Variants in NEDD4L observed in about 807,000 individuals in gnomAD.
NEDD4L encodes the protein E3 ubiquitin-protein ligase NEDD4-like.
In NEDD4L, 54 loss-of-function variants were observed where a neutral mutation model predicts 148.9. The observed-to-expected ratio is 0.36, with a 90% CI of 0.29 to 0.45. The LOEUF is 0.45. Among genes scored for constraint, NEDD4L ranks in the 20% least tolerant of loss-of-function variants. The pLI is 1.00. For synonymous variants in NEDD4L, 433 were observed against 440.7 expected, an observed-to-expected ratio of 0.98 and a Z score of 0.22; for missense variants, 856 against 1,233.8, an observed-to-expected ratio of 0.69 and a Z score of 4.59.
intron 1 of NEDD4L, among the ~76,000 whole-genome samples, chr18:58,085,446 G>A (rs375748359): frequency 3.3e-5 from 5 of 152,246 alleles, no homozygotes; most frequent in East Asian, 1.9e-4. Flanking sequence ...TCATCTCTGC[G>A]CCCTGGAGGA....
chr18:58,306,812 T>G (rs550136062), intron 5 of NEDD4L, among the ~76,000 whole-genome samples: 5 of 152,160 alleles, frequency 3.3e-5, no homozygotes, highest in African/African-American at 1.2e-4. Flanking sequence ...TTTTAGTACT[T>G]TAGTACAGAC....
chr18:58,389,208 A>C lies in NEDD4L; in HGVS notation c.2655+16A>C. 6.3e-7 allele frequency: 1 copy of C among 1,586,118 alleles called. No homozygotes were observed. The highest frequency in any genetic ancestry group is 8.7e-7 in the Non-Finnish European group (1 of 1,155,824). The stretch of plus-strand genomic sequence containing the variant: ...GTTCTGGAAGGTAACTCCGGGGCCC[A>C]GCCCCAGCCGGTGTCCTCCACCTGA... On this transcript the variant is annotated intron_variant, in intron 28 of 30. Coordinates refer to ENST00000400345, the MANE Select transcript of NEDD4L (RefSeq NM_001144967.3).
chr18:58,210,285 A>C (rs945995371), intron 2 of NEDD4L, among the ~76,000 whole-genome samples: 1 of 152,254 alleles, frequency 6.6e-6, no homozygotes, highest in Non-Finnish European at 1.5e-5. Flanking sequence ...ACACATTTGA[A>C]AATATAGGGC....
intron 2 of NEDD4L, among the ~76,000 whole-genome samples, chr18:58,200,378 A>G (rs1035301022): frequency 6.8e-5 from 9 of 132,138 alleles, no homozygotes; most frequent in African/African-American, 3.2e-4. Context: ...CTAGCTGGAC[A>G]ATGGGACTTG....
At chr18:58,306,658 T>A (rs1600981467) in intron 5 of NEDD4L, among the ~76,000 whole-genome samples, 1 of 151,876 alleles carries the variant, frequency 6.6e-6, no homozygotes, top group African/African-American at 2.4e-5. Context: ...GGAATTTTGC[T>A]CTTGTCACCC....
At chr18:58,278,018 C>G (rs1263531215) in intron 5 of NEDD4L, among the ~76,000 whole-genome samples, 1 of 152,002 alleles carries the variant, frequency 6.6e-6, no homozygotes, top group Non-Finnish European at 1.5e-5. Flanking sequence ...TTAAAAACTC[C>G]TCAGAAATAT....
chr18:58,156,748 T>G (rs188945623), intron 1 of NEDD4L, among the ~76,000 whole-genome samples: 3 of 152,224 alleles, frequency 2.0e-5, no homozygotes, highest in African/African-American at 7.2e-5. Context: ...ATACGACTCA[T>G]CTGCTCTCCT....
At chr18:58,081,259 G>A (rs1355530441) in intron 1 of NEDD4L, among the ~76,000 whole-genome samples, 3 of 130,858 alleles carry the variant, frequency 2.3e-5, no homozygotes, top group Non-Finnish European at 1.5e-5. Context: ...TCTGTCGTCT[G>A]GGCTGGAGTG....
At chr18:58,232,335 A>T (rs936511697) in intron 2 of NEDD4L, among the ~76,000 whole-genome samples, 3 of 152,240 alleles carry the variant, frequency 2.0e-5, no homozygotes, top group Non-Finnish European at 4.4e-5. Context: ...CCAGGCTGAG[A>T]TCCCTGAGAT....
intron 28 of NEDD4L, 26 bp downstream of exon 28, chr18:58,389,218 G>A (rs370582064): frequency 1.2e-5 from 18 of 1,544,540 alleles, no homozygotes; most frequent in African/African-American, 1.4e-5. Context: ...AGCCCCAGCC[G>A]GTGTCCTCCA....
intron 1 of NEDD4L, among the ~76,000 whole-genome samples, chr18:58,160,431 A>G (rs745941519): frequency 1.1e-4 from 16 of 152,256 alleles, no homozygotes; most frequent in Non-Finnish European, 1.6e-4. Flanking sequence ...CACAATAACA[A>G]TGCAGAACAA....
At position 58,325,017 on chromosome 18, in the gene NEDD4L, T is replaced by A. The variant is rs185533207; in HGVS notation, c.535T>A (p.Ser179Thr). ...DMEHGWEVVDSNDSASQHQEE... is the reference protein window; with the variant it reads ...DMEHGWEVVDTNDSASQHQEE... ...GCAGCATGGATGGGAAGTTGTTGAC[T>A]CAAATGACTCGGCTTCTCAGCACCA... is the stretch of plus-strand genomic sequence containing the variant. The change falls in exon 9 of 31, where the codon TCA becomes ACA. Residue 179 changes from serine (S) to threonine (T), a missense_variant. Ser to Thr is a moderately conservative substitution (Grantham distance 58, BLOSUM62 1). Around this residue, in one of 4 missense-constraint regions of NEDD4L, gnomAD observed 193 missense variants for 244.2 expected, o/e 0.79. Coordinates refer to ENST00000400345, the MANE Select transcript of NEDD4L (RefSeq NM_001144967.3). The A allele has an allele frequency of 4.7e-4, 764 of 1,613,908 alleles. No homozygotes were observed. Among genetic ancestry groups the A allele is most frequent in the Non-Finnish European group, 5.6e-4 (661 of 1,179,808 alleles).
At chr18:58,387,632 C>T in intron 27 of NEDD4L, 134 bp downstream of exon 27, 3 of 1,031,108 alleles carry the variant, frequency 2.9e-6, no homozygotes, top group Non-Finnish European at 4.0e-6. Context: ...TATTACATGT[C>T]TCTTATAGGG....
chr18:58,275,721 C>T (rs941601505), intron 5 of NEDD4L, among the ~76,000 whole-genome samples: 22 of 152,196 alleles, frequency 1.4e-4, no homozygotes, highest in African/African-American at 5.3e-4. Flanking sequence ...GCACCCTTAG[C>T]ACCCCTCACC....
At chr18:58,302,423 A>T (rs555007120) in intron 5 of NEDD4L, among the ~76,000 whole-genome samples, 1 of 152,136 alleles carries the variant, frequency 6.6e-6, no homozygotes, top group African/African-American at 2.4e-5. Flanking sequence ...AAGCTCGTTC[A>T]TATACTTTGT....
rs555593512 is a variant in NEDD4L at position 58,240,999 on chromosome 18, G to A, written c.123-4428G>A. Among the ~76,000 whole-genome samples, 5 of 152,112 alleles carry A rather than the reference G, an allele frequency of 3.3e-5. No individual in the cohort carries two copies. In the South Asian group the frequency reaches 6.2e-4, roughly 19 times the overall value. On this transcript the variant is annotated intron_variant, in intron 2 of 30. Transcript: ENST00000400345. ...TAATTTTTGTATTTTTAGTAGAGAC[G>A]AGATTTTACCATGTTGTCCAGGCTG...
intron 1 of NEDD4L, among the ~76,000 whole-genome samples, chr18:58,062,574 G>A (rs530720827): frequency 5.9e-5 from 9 of 152,250 alleles, no homozygotes; most frequent in Admixed American, 5.9e-4. Context: ...AAATGTAGTT[G>A]GTAGCCAGCC....
At chr18:58,119,390 A>AG (rs1468592057) in intron 1 of NEDD4L, among the ~76,000 whole-genome samples, 6 of 152,130 alleles carry the variant, frequency 3.9e-5, no homozygotes, top group Non-Finnish European at 7.4e-5. Context: ...TTCTGCCCCC[A>AG]GCCTGGTTTC....
At position 58,236,290 on chromosome 18, in the gene NEDD4L, G is replaced by A. The variant is rs994697458; in HGVS notation, c.123-9137G>A. ...GAGGATCGCTTGAGCCCAGGAGGTC[G>A]AGGCTGCAGTAAGCCATGATCTTGC... On this transcript the variant is annotated intron_variant, in intron 2 of 30. Transcript: ENST00000400345. Among the ~76,000 whole-genome samples the A allele has an allele frequency of 7.2e-5, 11 of 151,962 alleles. No homozygotes were observed. In the East Asian group the frequency reaches 1.7e-3, roughly 24 times the overall value.
Sources: gnomAD v4.1 joint callset for allele counts (sites outside exome capture counted in the v4.1 genomes callset) on GRCh38, gnomAD v4.1.1 for gene constraint, gnomAD v4.1.1 regional missense constraint, MANE v1.5 for transcripts, NCBI Gene and HGNC (gene_info 2026-07-23, HGNC 2026-07-21) for gene names.